Variants in PSAT1 observed in about 807,000 individuals in gnomAD.
PSAT1 encodes the protein phosphoserine aminotransferase 1.
In PSAT1, 41 loss-of-function variants were observed where a neutral mutation model predicts 40.3. That is an observed-to-expected ratio of 1.02 (90% CI 0.79 to 1.32). PSAT1 has a LOEUF of 1.32. PSAT1 is among the 40% of genes most tolerant of loss of function. The pLI is 0.00. For synonymous variants in PSAT1, 147 were observed against 170.5 expected (o/e 0.86, Z 1.07); for missense variants, 406 against 455.8 (o/e 0.89, Z 0.99).
At chr9:78,303,385 T>C (rs1239757761) in intron 3 of PSAT1, among the ~76,000 whole-genome samples, 1 of 152,038 alleles carries the variant, frequency 6.6e-6, no homozygotes, top group South Asian at 2.1e-4. Context: ...CTTCATGGAG[T>C]GGGTATTTGG....
At chr9:78,319,734 G>A (rs1299882213) in intron 7 of PSAT1, among the ~76,000 whole-genome samples, 4 of 152,156 alleles carry the variant, frequency 2.6e-5, no homozygotes, top group African/African-American at 9.7e-5. Context: ...GGTCATGAGT[G>A]GAATTAGGCA....
Position 78,329,182 on chromosome 9 carries a change from C to G in PSAT1, c.*96C>G, listed in dbSNP as rs1041760380. The G allele has an allele frequency of 6.9e-6, 6 of 870,384 alleles. No homozygotes were observed. The highest frequency in any genetic ancestry group is 1.2e-5 in the Non-Finnish European group (6 of 517,390). 53.9% of individuals were successfully genotyped at this position (870,384 alleles called of 1,614,324 possible). A position where few individuals can be genotyped will look rare whatever the true frequency, so the allele number is the denominator to read the frequency against. On this transcript the variant is annotated 3_prime_UTR_variant, in exon 9 of 9. Coordinates refer to ENST00000376588, the MANE Select transcript of PSAT1 (RefSeq NM_058179.4). The stretch of plus-strand genomic sequence containing the variant: ...CAAAAAGTTAACACAGTATTTTTCT[C>G]AAATGAACATGTTTATTGCAGATTC...
chr9:78,317,522 A>T (rs1433112376), intron 6 of PSAT1, among the ~76,000 whole-genome samples, 154 bp from the exon 7 acceptor site: 1 of 152,220 alleles, frequency 6.6e-6, no homozygotes, highest in Non-Finnish European at 1.5e-5. Flanking sequence ...AAGTGTTGGG[A>T]TTACGGGCGT....
At chr9:78,306,077 T>A (rs1322167430) in intron 4 of PSAT1, among the ~76,000 whole-genome samples, 1 of 152,146 alleles carries the variant, frequency 6.6e-6, no homozygotes, top group East Asian at 1.9e-4. Context: ...ATGCCATTTT[T>A]GAAGATGATT....
Position 78,304,885 on chromosome 9 carries a change from A to G in PSAT1, c.342A>G (p.Glu114=). 1 of 1,613,848 alleles carries G rather than the reference A, an allele frequency of 6.2e-7. No individual in the cohort carries two copies. The highest frequency in any genetic ancestry group is 8.5e-7 in the Non-Finnish European group (1 of 1,180,044). The change falls in exon 4 of 9, where the codon GAA becomes GAG. Residue 114 remains glutamate, a synonymous_variant. Coordinates refer to ENST00000376588, the MANE Select transcript of PSAT1 (RefSeq NM_058179.4). ...TGAWSAKAAE[E]AKKFGTINIV... is the part of the protein sequence containing the mutation. ...CTTGGTCAGCTAAGGCCGCAGAAGAAGCCAAGAAGTTTGGGACTATAAATA... is the reference window on the plus strand; with the variant it reads ...CTTGGTCAGCTAAGGCCGCAGAAGAGGCCAAGAAGTTTGGGACTATAAATA...
At chr9:78,319,582 G>A (rs1828397466) in intron 7 of PSAT1, among the ~76,000 whole-genome samples, 1 of 152,258 alleles carries the variant, frequency 6.6e-6, no homozygotes, top group Non-Finnish European at 1.5e-5. Flanking sequence ...GCTCACTGAA[G>A]CCATTTAAAG....
At chr9:78,319,434 G>T (rs1340204952) in intron 7 of PSAT1, among the ~76,000 whole-genome samples, 1 of 152,176 alleles carries the variant, frequency 6.6e-6, no homozygotes, top group Non-Finnish European at 1.5e-5. Context: ...CTCAGGGAAG[G>T]GGTACACACT....
chr9:78,302,611 G>C (rs1475383280), intron 3 of PSAT1, among the ~76,000 whole-genome samples: 1 of 151,998 alleles, frequency 6.6e-6, no homozygotes, highest in Non-Finnish European at 1.5e-5. Context: ...GCGCATACCT[G>C]TATTCCCAGC....
chr9:78,297,404 G>A, intron 1 of PSAT1, 134 bp downstream of exon 1: 1 of 1,084,898 alleles, frequency 9.2e-7, no homozygotes, highest in Non-Finnish European at 1.4e-6. Flanking sequence ...GCATCAGCGT[G>A]CACAGCGGGA....
intron 1 of PSAT1, among the ~76,000 whole-genome samples, chr9:78,299,973 TG>T (rs1312521822): frequency 6.6e-6 from 1 of 152,236 alleles, no homozygotes; most frequent in Non-Finnish European, 1.5e-5. Context: ...GCACTTATTT[TG>T]TGTTCATTTT....
At chr9:78,325,688 C>A (rs1439216873) in intron 7 of PSAT1, among the ~76,000 whole-genome samples, 1 of 152,222 alleles carries the variant, frequency 6.6e-6, no homozygotes, top group Non-Finnish European at 1.5e-5. Flanking sequence ...CCGGAGCCAT[C>A]TCTCTGTAGA....
intron 5 of PSAT1, 78 bp downstream of exon 5, chr9:78,306,564 G>T: frequency 6.4e-7 from 1 of 1,572,362 alleles, no homozygotes; most frequent in Non-Finnish European, 8.7e-7. Flanking sequence ...ACAAGAGCGG[G>T]AAGAACCATG....
intron 3 of PSAT1, among the ~76,000 whole-genome samples, chr9:78,303,998 T>C (rs1828144488): frequency 6.6e-6 from 1 of 152,220 alleles, no homozygotes; most frequent in South Asian, 2.1e-4. Context: ...TATTTTGATG[T>C]ATAATAGATA....
chr9:78,329,603 A>G lies in PSAT1; in HGVS notation c.*517A>G, dbSNP rs889572522. 6.1e-6 allele frequency: 1 copy of G among 164,862 alleles called. No homozygotes were observed. The highest frequency in any genetic ancestry group is 2.4e-5 in the African/African-American group (1 of 41,554). 10.2% of individuals were successfully genotyped at this position (164,862 alleles called of 1,614,324 possible). ...GTAGATCGATCTTTATGCTGTTATT[A>G]CAGGAGAAGTGACATACTTTATATA... On this transcript the variant is annotated 3_prime_UTR_variant, in exon 9 of 9. Coordinates refer to ENST00000376588, the MANE Select transcript of PSAT1 (RefSeq NM_058179.4).
intron 6 of PSAT1, among the ~76,000 whole-genome samples, chr9:78,317,258 TTTA>T (rs774325834): frequency 4.0e-4 from 61 of 152,052 alleles, no homozygotes; most frequent in Non-Finnish European, 5.4e-4. Flanking sequence ...ATTTTCTTTC[TTTA>T]TTTTTTTTGG....
chr9:78,307,229 A>G (rs1228340025), intron 5 of PSAT1, among the ~76,000 whole-genome samples: 2 of 152,118 alleles, frequency 1.3e-5, no homozygotes, highest in South Asian at 2.1e-4. Flanking sequence ...GGCAGCCTCC[A>G]TTCTAGTTTC....
intron 7 of PSAT1, among the ~76,000 whole-genome samples, chr9:78,322,111 T>G (rs554930623): frequency 6.7e-6 from 1 of 149,582 alleles, no homozygotes; most frequent in African/African-American, 2.4e-5. Context: ...TTATATAAGC[T>G]TATGTAATAT....
intron 7 of PSAT1, among the ~76,000 whole-genome samples, chr9:78,327,091 G>A (rs1162522650): frequency 6.6e-6 from 1 of 150,502 alleles, no homozygotes; most frequent in Non-Finnish European, 1.5e-5. Flanking sequence ...GAGTAGCTGG[G>A]ATTACAGGTG....
At chr9:78,305,038 A>AT in intron 4 of PSAT1, 98 bp downstream of exon 4, 2 of 1,071,896 alleles carry the variant, frequency 1.9e-6, no homozygotes, top group Non-Finnish European at 2.6e-6. Context: ...TCCCCTTGAC[A>AT]GTGTTAGTTC....
Sources: allele counts gnomAD v4.1 joint callset (sites outside exome capture counted in the v4.1 genomes callset), GRCh38; gene constraint gnomAD v4.1.1; transcripts MANE v1.5; gene names NCBI Gene and HGNC (gene_info 2026-07-23, HGNC 2026-07-21).